GIPC2: variants seen among roughly 807,000 people sequenced by gnomAD.
GIPC2 encodes GIPC PDZ domain containing family member 2, also known as PDZ domain-containing protein GIPC2.
Under a neutral mutation model 30.6 loss-of-function variants are expected in GIPC2, and 30 were observed. The ratio of observed to expected loss-of-function variants is 0.98; its 90% CI spans 0.73 to 1.33. The LOEUF is 1.33. GIPC2 is among the 40% of genes most tolerant of loss of function. GIPC2 has a pLI of 0.00. For missense variants in GIPC2, 414 were observed against 390.3 expected, an observed-to-expected ratio of 1.06 and a Z score of -0.51; for synonymous variants, 167 against 150.0, an observed-to-expected ratio of 1.11 and a Z score of -0.83.
intron 1 of GIPC2, among the ~76,000 whole-genome samples, chr1:78,072,463 T>C (rs1404068841): frequency 6.6e-6 from 1 of 150,922 alleles, no homozygotes; most frequent in African/African-American, 2.4e-5. Context: ...ACACTCAGCT[T>C]TTTGGAAGAG....
chr1:78,094,326 A>T (rs986017117), intron 2 of GIPC2, among the ~76,000 whole-genome samples: 1 of 152,274 alleles, frequency 6.6e-6, no homozygotes, highest in Non-Finnish European at 1.5e-5. Flanking sequence ...GTAGTGAATA[A>T]GACCATCTCT....
Position 78,135,739 on chromosome 1 carries a change from T to C in GIPC2, c.944T>C (p.Leu315Ser). 2 of 1,613,198 alleles carry C rather than the reference T, an allele frequency of 1.2e-6. No individual in the cohort carries two copies. Among genetic ancestry groups the C allele is most frequent in the Non-Finnish European group, 1.7e-6 (2 of 1,179,410 alleles). Residue 315 changes from leucine (L) to serine (S), a missense_variant, in exon 6 of 6, where the codon TTA becomes TCA. Physicochemically the swap from Leu to Ser is moderately radical, Grantham distance 145. Transcript: ENST00000370759. ...GVIGDAKRRGL is the reference protein window; with the variant it reads ...GVIGDAKRRGS The stretch of plus-strand genomic sequence containing the variant: ...ATTGGTGATGCCAAACGAAGAGGAT[T>C]ATGATGTGTACACTCCATCTCTGAA...
At chr1:78,086,152 T>C (rs1375910588) in intron 2 of GIPC2, among the ~76,000 whole-genome samples, 1 of 152,214 alleles carries the variant, frequency 6.6e-6, no homozygotes, top group Non-Finnish European at 1.5e-5. Context: ...TCAAATAATT[T>C]CTTGATTTCT....
At position 78,135,951 on chromosome 1, in the gene GIPC2, C is replaced by G. The variant is rs867550953; in HGVS notation, c.*208C>G. 2.3e-6 allele frequency: 1 copy of G among 426,686 alleles called. No individual in the cohort carries two copies. The highest frequency in any genetic ancestry group is 5.9e-4 in the Middle Eastern group (1 of 1,684). The allele number at this position is 426,686 out of a possible 1,614,324, so 26.4% of individuals were successfully genotyped here. ...ATGTAGTATGCTTAAGAGAAATGAC[C>G]TAAATAAGGATCAATTGTAATATTC... On this transcript the variant is annotated 3_prime_UTR_variant, in exon 6 of 6. Coordinates refer to ENST00000370759, the MANE Select transcript of GIPC2 (RefSeq NM_017655.6).
intron 3 of GIPC2, among the ~76,000 whole-genome samples, chr1:78,110,920 G>A (rs1662454610): frequency 6.6e-6 from 1 of 152,170 alleles, no homozygotes; most frequent in Non-Finnish European, 1.5e-5. Flanking sequence ...AATTTGGCTA[G>A]TGTGAATCAA....
chr1:78,087,507 T>A (rs1165375979), intron 2 of GIPC2, among the ~76,000 whole-genome samples: 1 of 152,194 alleles, frequency 6.6e-6, no homozygotes, highest in Non-Finnish European at 1.5e-5. Context: ...AGACTCCCTA[T>A]TTAATAAATG....
Position 78,109,986 on chromosome 1 carries a change from A to G in GIPC2, c.608-9407A>G, listed in dbSNP as rs746740208. Among the ~76,000 whole-genome samples, 60 of 151,280 alleles carry G rather than the reference A, an allele frequency of 4.0e-4. 1 individual carries two copies. The highest frequency in any genetic ancestry group is 7.2e-4 in the Non-Finnish European group (49 of 67,768). The stretch of plus-strand genomic sequence containing the variant: ...CTCACTCGTAGGTGGGAATTGAACA[A>G]TGAGAACCCATGGACACAGGAAGGG... On this transcript the variant is annotated intron_variant, in intron 3 of 5. Coordinates refer to ENST00000370759, the MANE Select transcript of GIPC2 (RefSeq NM_017655.6).
At chr1:78,078,044 C>T (rs373208626) in intron 1 of GIPC2, among the ~76,000 whole-genome samples, 2,661 of 151,102 alleles carry the variant, frequency 0.018, 57 homozygotes, top group South Asian at 0.1. Flanking sequence ...AAAAATTAGC[C>T]GGGCGTAGTG....
chr1:78,064,413 A>G (rs1319101394), intron 1 of GIPC2, among the ~76,000 whole-genome samples: 6 of 152,180 alleles, frequency 3.9e-5, no homozygotes, highest in Non-Finnish European at 7.3e-5. Flanking sequence ...GTGCCATACA[A>G]TCATTTTAAC....
intron 1 of GIPC2, among the ~76,000 whole-genome samples, chr1:78,061,022 T>C (rs1006807130): frequency 8.5e-5 from 13 of 152,136 alleles, no homozygotes; most frequent in African/African-American, 3.1e-4. Flanking sequence ...AGTCACTGTA[T>C]CCTTGCAGTG....
chr1:78,105,616 G>C (rs541021574), intron 3 of GIPC2, among the ~76,000 whole-genome samples: 1 of 152,110 alleles, frequency 6.6e-6, no homozygotes, highest in South Asian at 2.1e-4. Flanking sequence ...GGACCATTTA[G>C]AGTTAATAAC....
chr1:78,061,188 C>A (rs1375611346), intron 1 of GIPC2, among the ~76,000 whole-genome samples: 1 of 152,170 alleles, frequency 6.6e-6, no homozygotes, highest in African/African-American at 2.4e-5. Flanking sequence ...TTGGTGTAAA[C>A]CCCCATCACC....
chr1:78,062,736 A>G (rs1205545897), intron 1 of GIPC2, among the ~76,000 whole-genome samples: 3 of 151,270 alleles, frequency 2.0e-5, no homozygotes, highest in South Asian at 4.2e-4. Flanking sequence ...CTGGTCTCGA[A>G]CTCCTGAGCT....
intron 1 of GIPC2, among the ~76,000 whole-genome samples, chr1:78,052,409 A>C (rs534202888): frequency 6.6e-6 from 1 of 152,338 alleles, no homozygotes; most frequent in Admixed American, 6.5e-5. Context: ...AACATATTAT[A>C]GTTGGAGTTT....
intron 3 of GIPC2, among the ~76,000 whole-genome samples, chr1:78,118,542 A>G (rs1285042583): frequency 1.3e-5 from 2 of 152,174 alleles, no homozygotes; most frequent in African/African-American, 4.8e-5. Context: ...AATGCAGGAT[A>G]AGACACAACA....
At position 78,046,015 on chromosome 1, in the gene GIPC2, CG is replaced by C; in HGVS notation, c.-76del. The C allele has an allele frequency of 7.2e-7, 1 of 1,395,688 alleles. No homozygotes were observed. The highest frequency in any genetic ancestry group is 3.0e-5 in the East Asian group (1 of 33,190). 86.5% of individuals were successfully genotyped at this position (1,395,688 alleles called of 1,614,324 possible). ...AGGCTGCTTTTACCTGCGCGGGGCC[CG>C]GGGCGCAAAGTCCGAGGCGCCGGGG... On this transcript the variant is annotated 5_prime_UTR_variant, in exon 1 of 6. Coordinates refer to ENST00000370759, the MANE Select transcript of GIPC2 (RefSeq NM_017655.6).
chr1:78,115,101 T>C (rs1662543574), intron 3 of GIPC2, among the ~76,000 whole-genome samples: 1 of 152,222 alleles, frequency 6.6e-6, no homozygotes, highest in Non-Finnish European at 1.5e-5. Context: ...GCAGGGATGA[T>C]ACAACCTTTA....
chr1:78,111,322 G>A (rs1476871064), intron 3 of GIPC2, among the ~76,000 whole-genome samples: 1 of 152,064 alleles, frequency 6.6e-6, no homozygotes, highest in Non-Finnish European at 1.5e-5. Flanking sequence ...GCCCCTCAGT[G>A]GGCTCTTCTT....
At chr1:78,113,449 G>A (rs1257052345) in intron 3 of GIPC2, among the ~76,000 whole-genome samples, 1 of 151,970 alleles carries the variant, frequency 6.6e-6, no homozygotes, top group Non-Finnish European at 1.5e-5. Context: ...GTACAGTGGC[G>A]TGATCACAGC....
Sources: allele counts gnomAD v4.1 joint callset (sites outside exome capture counted in the v4.1 genomes callset), GRCh38; gene constraint gnomAD v4.1.1; transcripts MANE v1.5; gene names NCBI Gene and HGNC (gene_info 2026-07-23, HGNC 2026-07-21).